MBD5: variants seen among roughly 807,000 people sequenced by gnomAD.
The protein encoded by MBD5 is methyl-CpG-binding domain protein 5.
Under a neutral mutation model 117.3 loss-of-function variants are expected in MBD5, and 13 were observed. The ratio of observed to expected loss-of-function variants is 0.11; its 90% CI spans 0.07 to 0.18. The LOEUF is 0.18. Among genes scored for constraint, MBD5 ranks in the 10% least tolerant of loss-of-function variants. The probability of loss-of-function intolerance (pLI) is 1.00; values close to 1 mark genes in which losing one functional copy is unlikely to be tolerated. For missense variants in MBD5, 1,879 were observed against 2,093.8 expected, an observed-to-expected ratio of 0.90 and a Z score of 2.00; for synonymous variants, 727 against 766.4, an observed-to-expected ratio of 0.95 and a Z score of 0.85.
chr2:148,378,016 T>C (rs986976309), intron 4 of MBD5, among the ~76,000 whole-genome samples: 7 of 152,160 alleles, frequency 4.6e-5, no homozygotes, highest in Admixed American at 3.9e-4. Context: ...AATTAGCTAT[T>C]ATGTAGCTAA....
At chr2:148,501,389 G>C (rs1378589487) in intron 11 of MBD5, among the ~76,000 whole-genome samples, 1 of 152,138 alleles carries the variant, frequency 6.6e-6, no homozygotes, top group Non-Finnish European at 1.5e-5. Context: ...GGGAGTAGCA[G>C]GGGTTGGAGG....
chr2:148,249,952 T>C (rs1443521481), intron 3 of MBD5, among the ~76,000 whole-genome samples: 1 of 152,040 alleles, frequency 6.6e-6, no homozygotes, highest in African/African-American at 2.4e-5. Context: ...AAAATGTAAA[T>C]AGCGCCGCAG....
At chr2:148,322,438 T>C (rs929050055) in intron 3 of MBD5, among the ~76,000 whole-genome samples, 3 of 152,220 alleles carry the variant, frequency 2.0e-5, no homozygotes, top group Admixed American at 1.3e-4. Context: ...CAATAAATGT[T>C]TGTTAAATTT....
chr2:148,104,104 A>G (rs1438194180), intron 1 of MBD5, among the ~76,000 whole-genome samples: 1 of 152,116 alleles, frequency 6.6e-6, no homozygotes, highest in Non-Finnish European at 1.5e-5. Flanking sequence ...TGATCTCTTC[A>G]TTTAAGATTA....
chr2:148,397,611 G>A (rs887232971), intron 4 of MBD5, among the ~76,000 whole-genome samples: 1 of 152,122 alleles, frequency 6.6e-6, no homozygotes, highest in South Asian at 2.1e-4. Context: ...TTACAGGCGT[G>A]AGCCACCGCG....
chr2:148,311,119 T>A (rs1343334656), intron 3 of MBD5, among the ~76,000 whole-genome samples: 2 of 152,224 alleles, frequency 1.3e-5, no homozygotes, highest in Non-Finnish European at 2.9e-5. Context: ...GAATGTGTAT[T>A]CTGTTGATTT....
chr2:148,324,880 G>A (rs1190420877), intron 3 of MBD5, among the ~76,000 whole-genome samples: 1 of 152,098 alleles, frequency 6.6e-6, no homozygotes, highest in East Asian at 1.9e-4. Context: ...TGTTGAATAG[G>A]AGTGGTGAGA....
chr2:148,351,254 G>C (rs886771919), intron 4 of MBD5, among the ~76,000 whole-genome samples: 2 of 151,868 alleles, frequency 1.3e-5, no homozygotes, highest in Admixed American at 6.6e-5. Context: ...ATAAACACTG[G>C]TATTCACTTT....
chr2:148,076,704 T>A (rs991227950), intron 1 of MBD5, among the ~76,000 whole-genome samples: 1 of 152,222 alleles, frequency 6.6e-6, no homozygotes, highest in Non-Finnish European at 1.5e-5. Flanking sequence ...ATAATTCTAT[T>A]ACTAGCTTCT....
rs1682331860 is a variant in MBD5, at chr2:148,515,723, A to G, written c.*2782A>G. On this transcript the variant is annotated 3_prime_UTR_variant, in exon 14 of 14. Coordinates refer to ENST00000642680, the MANE Select transcript of MBD5 (RefSeq NM_001378120.1). ...TGAAAAATTTTTTCTTCTTTAAAGAACATAATAGTTCCTGCTGGAAAAGGA... is the reference window on the plus strand; with the variant it reads ...TGAAAAATTTTTTCTTCTTTAAAGAGCATAATAGTTCCTGCTGGAAAAGGA... The G allele has an allele frequency of 6.6e-6, 1 of 152,204 alleles. No homozygotes were observed. Among genetic ancestry groups the G allele is most frequent in the Non-Finnish European group, 1.5e-5 (1 of 68,020 alleles). 9.4% of individuals were successfully genotyped at this position (152,204 alleles called of 1,614,324 possible).
At chr2:148,204,076 G>A (rs1699213493) in intron 2 of MBD5, among the ~76,000 whole-genome samples, 1 of 152,002 alleles carries the variant, frequency 6.6e-6, no homozygotes, top group African/African-American at 2.4e-5. Flanking sequence ...AAGAATGGGA[G>A]AAAAGAGAAG....
intron 1 of MBD5, among the ~76,000 whole-genome samples, chr2:148,154,613 G>T (rs879247921): frequency 3.3e-5 from 5 of 152,222 alleles, no homozygotes; most frequent in Non-Finnish European, 7.3e-5. Flanking sequence ...CTCTGAGCCA[G>T]GTGCGGGATA....
At chr2:148,333,665 A>G (rs184389793) in intron 3 of MBD5, among the ~76,000 whole-genome samples, 1 of 150,466 alleles carries the variant, frequency 6.6e-6, no homozygotes, top group Non-Finnish European at 1.5e-5. Flanking sequence ...AACATGGTGA[A>G]ACCCTGTCTC....
chr2:148,470,219 T>C lies in MBD5; in HGVS notation c.2276T>C (p.Val759Ala). ...LQNIPLRGEA[V>A]HCHNANTNFV... ...AACATACCTTTAAGAGGGGAAGCCG[T>C]GCACTGCCACAATGCAAACACTAAC... The change falls in exon 8 of 14, where the codon GTG (valine) becomes GCG (alanine). Residue 759 changes from valine to alanine, a missense_variant. By Grantham distance (64) the Val-to-Ala change is moderately conservative (BLOSUM62 0). Coordinates refer to ENST00000642680, the MANE Select transcript of MBD5 (RefSeq NM_001378120.1). 1 of 1,613,954 alleles carries C rather than the reference T, an allele frequency of 6.2e-7. No homozygotes were observed. Among genetic ancestry groups the C allele is most frequent in the Non-Finnish European group, 8.5e-7 (1 of 1,179,892 alleles).
chr2:148,334,035 A>G (rs1206790198), intron 3 of MBD5, among the ~76,000 whole-genome samples: 1 of 152,068 alleles, frequency 6.6e-6, no homozygotes, highest in East Asian at 1.9e-4. Context: ...TTATTTATTT[A>G]TTTACTTTTG....
intron 2 of MBD5, among the ~76,000 whole-genome samples, chr2:148,205,195 G>A (rs2105977648): frequency 6.6e-6 from 1 of 152,032 alleles, no homozygotes; most frequent in East Asian, 1.9e-4. Flanking sequence ...TCCTGCCTCT[G>A]CCTCCCAAGT....
chr2:148,260,631 A>T (rs1700709843), intron 3 of MBD5: 1 of 214,360 alleles, frequency 4.7e-6, no homozygotes, highest in Non-Finnish European at 9.9e-6. Flanking sequence ...AGCTGGGATA[A>T]ACAAGGAATT....
chr2:148,215,148 T>A (rs1477811896), intron 2 of MBD5, among the ~76,000 whole-genome samples: 1 of 152,232 alleles, frequency 6.6e-6, no homozygotes, highest in African/African-American at 2.4e-5. Flanking sequence ...CTGTGGTACT[T>A]GTACCAGGTT....
intron 3 of MBD5, among the ~76,000 whole-genome samples, chr2:148,334,221 T>G (rs1218682158): frequency 2.0e-5 from 3 of 152,214 alleles, no homozygotes; most frequent in African/African-American, 7.2e-5. Flanking sequence ...TACCAACTGC[T>G]GGTTTAGAAA....
Sources: gnomAD v4.1 joint callset for allele counts (sites outside exome capture counted in the v4.1 genomes callset) on GRCh38, gnomAD v4.1.1 for gene constraint, MANE v1.5 for transcripts, NCBI Gene and HGNC (gene_info 2026-07-23, HGNC 2026-07-21) for gene names.